LOC128125822: variants seen among roughly 807,000 people sequenced by gnomAD.
At chr6:63,574,040 A>G in the LOC128125822 span, among the ~76,000 whole-genome samples, 1 of 152,120 alleles carries the variant, frequency 6.6e-6, no homozygotes, top group Non-Finnish European at 1.5e-5. Context: ...ACGAGTATTA[A>G]GTTATTTACA....
At chr6:63,572,999 C>T in the LOC128125822 span, among the ~76,000 whole-genome samples, 2 of 152,040 alleles carry the variant, frequency 1.3e-5, no homozygotes, top group African/African-American at 4.8e-5. Context: ...GCGACGGGGG[C>T]GGCGCGGTCC....
At chr6:63,577,022 G>T in the LOC128125822 span, 1 of 1,508,354 alleles carries the variant, frequency 6.6e-7, no homozygotes. Flanking sequence ...TAAATTGATT[G>T]CAATATAATA....
the LOC128125822 span, among the ~76,000 whole-genome samples, chr6:63,577,722 A>C: frequency 6.6e-6 from 1 of 151,968 alleles, no homozygotes; most frequent in Non-Finnish European, 1.5e-5. Flanking sequence ...TTGCCCAGCT[A>C]ATTTTTGTAT....
the LOC128125822 span, among the ~76,000 whole-genome samples, chr6:63,576,087 ATATAT>A: frequency 1.3e-5 from 2 of 149,928 alleles, no homozygotes; most frequent in Non-Finnish European, 3.0e-5. Flanking sequence ...TCATATAATT[ATATAT>A]TATATATAGA....
chr6:63,576,798 A>T, the LOC128125822 span: 2 of 1,092,038 alleles, frequency 1.8e-6, no homozygotes, highest in East Asian at 4.8e-5. Context: ...ATTGAAGTAG[A>T]CTTCAGTTTC....
the LOC128125822 span, chr6:63,577,017 T>A: frequency 6.5e-7 from 1 of 1,532,940 alleles, no homozygotes; most frequent in Non-Finnish European, 9.0e-7. Flanking sequence ...TAGCTTAAAT[T>A]GATTGCAATA....
the LOC128125822 span, chr6:63,578,582 T>C: frequency 1.7e-5 from 27 of 1,565,262 alleles, no homozygotes; most frequent in Admixed American, 2.2e-5. Flanking sequence ...CAAAAGTTTA[T>C]TCAAATAGTA....
At chr6:63,576,690 C>T in the LOC128125822 span, 3 of 603,244 alleles carry the variant, frequency 5.0e-6, no homozygotes, top group East Asian at 2.8e-5. Flanking sequence ...CTCAGTATTA[C>T]TGGATTGAAG....
chr6:63,576,254 A>G, the LOC128125822 span, among the ~76,000 whole-genome samples: 1 of 151,830 alleles, frequency 6.6e-6, no homozygotes, highest in African/African-American at 2.4e-5. Flanking sequence ...TGCTTGTTTT[A>G]TGCTGATTGA....
At chr6:63,578,410 GA>G in the LOC128125822 span, 1 of 1,593,066 alleles carries the variant, frequency 6.3e-7, no homozygotes, top group South Asian at 1.1e-5. Context: ...TAAACATTAA[GA>G]TTTTTTTAAT....
the LOC128125822 span, among the ~76,000 whole-genome samples, chr6:63,575,759 A>G: frequency 6.6e-6 from 1 of 152,206 alleles, no homozygotes; most frequent in African/African-American, 2.4e-5. Context: ...GATATTTCAC[A>G]TAACAAGTTG....
the LOC128125822 span, chr6:63,580,454 T>TA: frequency 6.8e-6 from 2 of 293,148 alleles, no homozygotes; most frequent in Non-Finnish European, 1.3e-5. Context: ...AGTATTGAGT[T>TA]ATGACTTGTT....
the LOC128125822 span, chr6:63,578,322 A>T: frequency 1.6e-6 from 2 of 1,225,116 alleles, no homozygotes; most frequent in Non-Finnish European, 2.1e-6. Context: ...AGCATTCTTT[A>T]AATGATCTTC....
chr6:63,580,025 C>T, the LOC128125822 span: 2 of 1,497,356 alleles, frequency 1.3e-6, no homozygotes, highest in Non-Finnish European at 1.8e-6. Context: ...GGGCTTTTGC[C>T]TTGTTTCATT....
the LOC128125822 span, chr6:63,573,687 GC>G: frequency 6.6e-6 from 1 of 152,266 alleles, no homozygotes; most frequent in African/African-American, 2.4e-5. Flanking sequence ...CGGATTTATC[GC>G]CCCACCTCGG....
the LOC128125822 span, chr6:63,579,165 A>G: frequency 7.1e-7 from 1 of 1,410,938 alleles, no homozygotes; most frequent in African/African-American, 1.5e-5. Context: ...AGGGTGGTAG[A>G]TAATACTTCT....
chr6:63,572,915 C>T, the LOC128125822 span, among the ~76,000 whole-genome samples: 1 of 152,072 alleles, frequency 6.6e-6, no homozygotes, highest in Non-Finnish European at 1.5e-5. Flanking sequence ...GAGGCAGATG[C>T]CGGGCCCCTC....
At chr6:63,574,242 G>A in the LOC128125822 span, among the ~76,000 whole-genome samples, 10 of 152,188 alleles carry the variant, frequency 6.6e-5, no homozygotes, top group East Asian at 1.9e-4. Flanking sequence ...TGACAAAGGA[G>A]TTACACACAT....
At chr6:63,576,313 T>C in the LOC128125822 span, 1 of 390,116 alleles carries the variant, frequency 2.6e-6, no homozygotes, top group Admixed American at 4.4e-5. Context: ...TAAAAGTCGA[T>C]GAAGCGGCTC....
Sources: gnomAD v4.1 joint callset for allele counts (sites outside exome capture counted in the v4.1 genomes callset) on GRCh38, gnomAD v4.1.1 for gene constraint, MANE v1.5 for transcripts.